The following PSMA1 variants were observed in gnomAD, a reference collection of about 807,000 sequenced individuals.
The protein encoded by PSMA1 is proteasome subunit alpha type-1.
PSMA1 carries 3 observed loss-of-function variants against 38.4 expected under a neutral mutation model. The ratio of observed to expected loss-of-function variants is 0.08; its 90% CI spans 0.04 to 0.20. The LOEUF is 0.20. Among genes scored for constraint, PSMA1 ranks in the 10% least tolerant of loss-of-function variants. PSMA1 has a pLI of 1.00. For synonymous variants in PSMA1, 101 were observed against 107.1 expected (o/e 0.94, Z 0.35); for missense variants, 227 against 325.3 (o/e 0.70, Z 2.32).
chr11:14,519,308 A>G, intron 1 of PSMA1: 1 of 502,290 alleles, frequency 2.0e-6, no homozygotes, highest in Non-Finnish European at 3.8e-6. Context: ...TTTAGGCTCA[A>G]TTACTAAAGT....
chr11:14,626,865 C>G (rs1852918650), intron 1 of PSMA1, among the ~76,000 whole-genome samples: 1 of 152,178 alleles, frequency 6.6e-6, no homozygotes, highest in African/African-American at 2.4e-5. Context: ...CTGTATTACT[C>G]TACTAGGGCT....
chr11:14,561,278 A>C (rs1852004642), intron 2 of PSMA1, among the ~76,000 whole-genome samples: 1 of 152,166 alleles, frequency 6.6e-6, no homozygotes, highest in Admixed American at 6.5e-5. Flanking sequence ...CTCCTTCAAT[A>C]TCCGTTGAAC....
At chr11:14,558,764 G>A (rs183805328) in intron 2 of PSMA1, among the ~76,000 whole-genome samples, 1 of 152,368 alleles carries the variant, frequency 6.6e-6, no homozygotes, top group East Asian at 1.9e-4. Flanking sequence ...GAGGGGGCTA[G>A]GTTGTGGTTT....
chr11:14,505,322 T>C lies in PSMA1; in HGVS notation c.736-74A>G, dbSNP rs1055418125. 3.2e-6 allele frequency: 4 copies of C among 1,256,182 alleles called. No individual in the cohort carries two copies. In the African/African-American group the frequency reaches 4.4e-5, roughly 14 times the overall value. 77.8% of individuals were successfully genotyped at this position (1,256,182 alleles called of 1,614,324 possible). ...AATATACACATCTAATCACAAATAT[T>C]ACGTTATTAAAAATTGAGAAAAAGG... is the stretch of plus-strand genomic sequence containing the variant. On this transcript the variant is annotated intron_variant, in intron 9 of 9. Transcript: ENST00000396394.
intron 2 of PSMA1, among the ~76,000 whole-genome samples, chr11:14,606,230 G>C (rs1349336191): frequency 6.6e-6 from 1 of 152,068 alleles, no homozygotes; most frequent in Non-Finnish European, 1.5e-5. Context: ...CTGTTCCATT[G>C]GTCTATGTGT....
chr11:14,549,650 G>A (rs1259221433), intron 2 of PSMA1, among the ~76,000 whole-genome samples: 1 of 149,590 alleles, frequency 6.7e-6, no homozygotes, highest in African/African-American at 2.5e-5. Flanking sequence ...GCAGTGAGCC[G>A]AGATCGTGCC....
intron 1 of PSMA1, among the ~76,000 whole-genome samples, chr11:14,620,069 T>C (rs927123665): frequency 5.3e-5 from 8 of 150,294 alleles, no homozygotes; most frequent in Non-Finnish European, 7.4e-5. Context: ...TGTGTGTGCG[T>C]GTGTGTGTGT....
chr11:14,505,283 A>G, intron 9 of PSMA1, 35 bp from the exon 10 acceptor site: 1 of 1,547,986 alleles, frequency 6.5e-7, no homozygotes, highest in African/African-American at 1.4e-5. Flanking sequence ...AATATGTAAA[A>G]TGAACACTTG....
chr11:14,591,724 T>C (rs370485773), intron 2 of PSMA1, among the ~76,000 whole-genome samples: 16 of 152,272 alleles, frequency 1.1e-4, no homozygotes, highest in African/African-American at 3.9e-4. Context: ...AGAACCTTTG[T>C]ATCTAGCTCA....
rs1302953556 is a variant in PSMA1, at chr11:14,591,634, A to C, written c.21+19332T>G. ...AGGGTTTGTGAGTGCACCAATCGAC[A>C]CTCTGTATCTAGCTGCTCTGGGGCC... On this transcript the variant is annotated intron_variant, in intron 2 of 10. Coordinates refer to the PSMA1 transcript ENST00000418988. Among the ~76,000 whole-genome samples the C allele has an allele frequency of 5.9e-5, 9 of 152,144 alleles. No individual in the cohort carries two copies. The East Asian group carries it at 1.7e-3, about 30-fold the overall frequency.
intron 1 of PSMA1, among the ~76,000 whole-genome samples, chr11:14,642,141 G>A (rs1483556944): frequency 6.6e-6 from 1 of 152,086 alleles, no homozygotes; most frequent in Admixed American, 6.6e-5. Flanking sequence ...ATCTGAATTT[G>A]TTCTAATTTT....
chr11:14,518,147 C>A (rs1448380474), intron 2 of PSMA1, among the ~76,000 whole-genome samples, 166 bp from the exon 3 acceptor site: 2 of 151,220 alleles, frequency 1.3e-5, no homozygotes, highest in Non-Finnish European at 2.9e-5. Context: ...GTCACCCAGG[C>A]TGGAGTGCAG....
intron 8 of PSMA1, among the ~76,000 whole-genome samples, chr11:14,510,196 G>A (rs1023412781): frequency 6.6e-6 from 1 of 151,802 alleles, no homozygotes; most frequent in South Asian, 2.1e-4. Context: ...TCTTCCTCTC[G>A]ATGATTGACC....
chr11:14,546,409 A>G (rs1212890398), intron 2 of PSMA1, among the ~76,000 whole-genome samples: 3 of 152,040 alleles, frequency 2.0e-5, no homozygotes, highest in East Asian at 3.8e-4. Context: ...CTTTAGAGAA[A>G]TAATTGTTGT....
At chr11:14,521,765 C>CAAAAAA (rs367961519), upstream of PSMA1, among the ~76,000 whole-genome samples, 3 of 107,954 alleles carry the variant, frequency 2.8e-5, no homozygotes, top group African/African-American at 3.8e-5. Flanking sequence ...GACTCCATCT[C>CAAAAAA]AAAAAAAAAA....
At chr11:14,527,867 A>G (rs1339785791) in intron 2 of PSMA1, among the ~76,000 whole-genome samples, 1 of 152,136 alleles carries the variant, frequency 6.6e-6, no homozygotes, top group Non-Finnish European at 1.5e-5. Flanking sequence ...GAAGATCTTC[A>G]GTGACAAAGT....
upstream of PSMA1, among the ~76,000 whole-genome samples, chr11:14,521,658 CAGGAGG>C (rs1171074955): frequency 2.0e-5 from 3 of 150,420 alleles, no homozygotes; most frequent in Non-Finnish European, 2.9e-5. Context: ...TGGCGTGCCT[CAGGAGG>C]CTGAGGCAGG....
Position 14,626,382 on chromosome 11 carries a change from T to C in PSMA1, c.-165-15231A>G, listed in dbSNP as rs7128576. On this transcript the variant is annotated intron_variant, in intron 1 of 10. Transcript: ENST00000418988. ...GAATCTTGTACCTATTCTTATCTTATCTATGCTATTACCGTTTTGGCACAT... is the reference window on the plus strand; with the variant it reads ...GAATCTTGTACCTATTCTTATCTTACCTATGCTATTACCGTTTTGGCACAT... Among the ~76,000 whole-genome samples, 923 of 152,358 alleles carry C rather than the reference T, an allele frequency of 6.1e-3. 6 individuals are homozygous for C. The highest frequency in any genetic ancestry group is 0.021 in the African/African-American group (882 of 41,582).
At chr11:14,613,864 TTACAGTTTTTCA>T (rs778851917) in intron 1 of PSMA1, among the ~76,000 whole-genome samples, 10 of 152,326 alleles carry the variant, frequency 6.6e-5, no homozygotes, top group Non-Finnish European at 8.8e-5. Flanking sequence ...ATTCTCTTGA[TTACAGTTTTTCA>T]TACATTTATA....
Sources: allele counts gnomAD v4.1 joint callset (sites outside exome capture counted in the v4.1 genomes callset), GRCh38; gene constraint gnomAD v4.1.1; transcripts MANE v1.5; gene names NCBI Gene and HGNC (gene_info 2026-07-23, HGNC 2026-07-21).